The following GIP variants were observed in gnomAD, a reference collection of about 807,000 sequenced individuals.
GIP encodes glucose-dependent insulinotropic polypeptide.
A neutral mutation model predicts 18.1 loss-of-function variants in GIP; 16 were observed. That is an observed-to-expected ratio of 0.88 (90% CI 0.60 to 1.34). The LOEUF (loss-of-function observed/expected upper bound fraction) is 1.34. Ranked by LOEUF, GIP falls within the 40% of genes most tolerant of loss-of-function variation. GIP has a pLI of 0.00. For synonymous variants in GIP, 76 were observed against 74.0 expected (o/e 1.03, Z -0.14); for missense variants, 192 against 183.4 (o/e 1.05, Z -0.27).
chr17:48,958,878 G>A (rs564799709), intron 5 of GIP, among the ~76,000 whole-genome samples, 162 bp from the exon 6 acceptor site: 8 of 145,888 alleles, frequency 5.5e-5, no homozygotes, highest in East Asian at 4.0e-4. Flanking sequence ...TTTTTGAGAC[G>A]GAGTCTCGCT....
intron 1 of GIP, 29 bp from the exon 2 acceptor site, chr17:48,967,282 G>A: frequency 6.8e-7 from 1 of 1,469,510 alleles, no homozygotes; most frequent in Non-Finnish European, 9.5e-7. Context: ...AGGACATGTT[G>A]AGAGAGCAAC....
At chr17:48,966,008 C>G (rs1176391161) in intron 2 of GIP, among the ~76,000 whole-genome samples, 2 of 152,076 alleles carry the variant, frequency 1.3e-5, no homozygotes, top group Non-Finnish European at 2.9e-5. Context: ...GCCTGTAATC[C>G]TAGCACTTTG....
intron 5 of GIP, 124 bp from the exon 6 acceptor site, chr17:48,958,840 A>T: frequency 1.5e-6 from 1 of 647,812 alleles, no homozygotes. Context: ...TAAATATTTT[A>T]ATTTTTATCA....
chr17:48,962,794 T>A (rs1371843426), intron 3 of GIP, among the ~76,000 whole-genome samples: 1 of 151,942 alleles, frequency 6.6e-6, no homozygotes, highest in Non-Finnish European at 1.5e-5. Flanking sequence ...ATACATCTTC[T>A]GACTCCTCCC....
At chr17:48,964,749 A>G (rs576827687) in intron 2 of GIP, among the ~76,000 whole-genome samples, 3 of 152,062 alleles carry the variant, frequency 2.0e-5, no homozygotes, top group African/African-American at 4.8e-5. Flanking sequence ...TAATCCCAAC[A>G]CTTTGGGAGG....
At chr17:48,965,122 G>C (rs1372858326) in intron 2 of GIP, among the ~76,000 whole-genome samples, 2 of 93,774 alleles carry the variant, frequency 2.1e-5, no homozygotes, top group Non-Finnish European at 3.9e-5. Flanking sequence ...CTGGGAGACA[G>C]AGCGAGACTC....
intron 2 of GIP, 42 bp downstream of exon 2, chr17:48,967,104 TA>T: frequency 7.1e-7 from 1 of 1,406,108 alleles, no homozygotes; most frequent in Non-Finnish European, 1.0e-6. Context: ...TGTCATCCCC[TA>T]ACCCCTCCTC....
At chr17:48,967,054 C>T (rs2041239028) in intron 2 of GIP, 93 bp downstream of exon 2, 2 of 939,136 alleles carry the variant, frequency 2.1e-6, no homozygotes, top group Non-Finnish European at 3.4e-6. Flanking sequence ...GCCTGGATTC[C>T]TTCCCTTTCT....
At position 48,959,849 on chromosome 17, in the gene GIP, A is replaced by G. The variant is rs34171510; in HGVS notation, c.452+1037T>C. 0.014 allele frequency among the ~76,000 whole-genome samples: 233 copies of G among 16,974 alleles called. 5 individuals carry two copies. In the South Asian group the frequency reaches 0.15, roughly 11 times the overall value. 11.1% of individuals were successfully genotyped at this position (16,974 alleles called of 152,430 possible). A position where few individuals can be genotyped will look rare whatever the true frequency, so the allele number is the denominator to read the frequency against. ...CTCAGCTCGGTGGGTAGGGACAGGCAGGCCACAGGATGGGCTCAGCTCTGT... is the reference window on the plus strand; with the variant it reads ...CTCAGCTCGGTGGGTAGGGACAGGCGGGCCACAGGATGGGCTCAGCTCTGT... On this transcript the variant is annotated intron_variant, in intron 5 of 5. Transcript: ENST00000357424.
At chr17:48,965,379 T>C (rs765639844) in intron 2 of GIP, among the ~76,000 whole-genome samples, 5 of 144,242 alleles carry the variant, frequency 3.5e-5, no homozygotes, top group African/African-American at 5.2e-5. Flanking sequence ...CCAAGGTGGG[T>C]GGATCACAAA....
chr17:48,958,726 G>T lies in GIP; in HGVS notation c.453-10C>A. The stretch of plus-strand genomic sequence containing the variant: ...TCAGAGTCACCGAGACCTGGGGAGA[G>T]TGGGGAAAGGAGAAGAAGGTTGTTA... On this transcript the variant is annotated splice_polypyrimidine_tract_variant and intron_variant, in intron 5 of 5. Coordinates refer to ENST00000357424, the MANE Select transcript of GIP (RefSeq NM_004123.3). 6.3e-7 allele frequency: 1 copy of T among 1,578,426 alleles called. No homozygotes were observed. Among genetic ancestry groups the T allele is most frequent in the Non-Finnish European group, 8.6e-7 (1 of 1,161,962 alleles).
chr17:48,967,134 T>A lies in GIP; in HGVS notation c.86+13A>T. The stretch of plus-strand genomic sequence containing the variant: ...CCTCCTCTGCCCCATCCCTTTCCTC[T>A]CACCACTCCTACCTGAAGTGACCCT... On this transcript the variant is annotated intron_variant, in intron 2 of 5. Coordinates refer to ENST00000357424, the MANE Select transcript of GIP (RefSeq NM_004123.3). 3 of 1,592,136 alleles carry A rather than the reference T, an allele frequency of 1.9e-6. No individual in the cohort carries two copies. Among genetic ancestry groups the A allele is most frequent in the Non-Finnish European group, 2.6e-6 (3 of 1,160,202 alleles).
At chr17:48,967,296 T>A in intron 1 of GIP, 43 bp from the exon 2 acceptor site, 1 of 1,319,026 alleles carries the variant, frequency 7.6e-7, no homozygotes, top group East Asian at 2.3e-5. Context: ...GAGCAACCAG[T>A]AGGGGTTCTG....
rs757406815 is a variant in GIP, at chr17:48,964,460, A to G, written c.107T>C (p.Val36Ala). Residue 36 changes from valine (V) to alanine (A), a missense_variant, in exon 3 of 6, where the codon GTT (valine) becomes GCT (alanine). Val to Ala is a moderately conservative substitution (Grantham distance 64, BLOSUM62 0). Coordinates refer to ENST00000357424, the MANE Select transcript of GIP (RefSeq NM_004123.3). ...GCTGCTCACCTTAGCATGAGATCCA[A>G]CAGGCAGGGAGGGGAGAGCGCTGGA... ...GHFSALPSLPVGSHAKVSSPQ... is the reference protein window; with the variant it reads ...GHFSALPSLPAGSHAKVSSPQ... 6.2e-7 allele frequency: 1 copy of G among 1,614,042 alleles called. No individual in the cohort carries two copies. Among genetic ancestry groups the G allele is most frequent in the East Asian group, 2.2e-5 (1 of 44,882 alleles).
chr17:48,958,794 C>T, intron 5 of GIP, 78 bp from the exon 6 acceptor site: 2 of 978,808 alleles, frequency 2.0e-6, no homozygotes, highest in Non-Finnish European at 3.2e-6. Flanking sequence ...GGGACCCAAC[C>T]ATTGTTGAAC....
intron 2 of GIP, among the ~76,000 whole-genome samples, chr17:48,965,620 A>AAAT (rs1329842997): frequency 6.6e-6 from 1 of 151,078 alleles, no homozygotes; most frequent in East Asian, 2.0e-4. Context: ...AAAAAAAAAA[A>AAAT]AAAGGGATCG....
At chr17:48,960,829 C>T in intron 5 of GIP, 57 bp downstream of exon 5, 1 of 1,020,854 alleles carries the variant, frequency 9.8e-7, no homozygotes, top group Non-Finnish European at 1.5e-6. Flanking sequence ...AGATCTGAAT[C>T]CATGTCTGAT....
chr17:48,967,012 G>T (rs1203221687), intron 2 of GIP, 135 bp downstream of exon 2: 5 of 642,872 alleles, frequency 7.8e-6, no homozygotes, highest in Non-Finnish European at 1.4e-5. Flanking sequence ...CACGCTGCCG[G>T]CAGGTATTTC....
chr17:48,968,426 C>G (rs1041330289), intron 1 of GIP, 91 bp downstream of exon 1: 1 of 152,114 alleles, frequency 6.6e-6, no homozygotes, highest in African/African-American at 2.4e-5. Flanking sequence ...GAAGAGAAAA[C>G]TAAGATGCCA....
Sources: gnomAD v4.1 joint callset for allele counts (sites outside exome capture counted in the v4.1 genomes callset) on GRCh38, gnomAD v4.1.1 for gene constraint, MANE v1.5 for transcripts, NCBI Gene and HGNC (gene_info 2026-07-23, HGNC 2026-07-21) for gene names.